The following TMBIM1 variants were observed in gnomAD, a reference collection of about 807,000 sequenced individuals.
TMBIM1 encodes transmembrane BAX inhibitor motif containing 1, also known as protein lifeguard 3.
TMBIM1 carries 34 observed loss-of-function variants against 45.1 expected under a neutral mutation model. The ratio of observed to expected loss-of-function variants is 0.75; its 90% CI spans 0.57 to 1.00. TMBIM1 has a LOEUF of 1.00. TMBIM1 is among the 50% of genes least tolerant of loss of function. The pLI, the probability that TMBIM1 is intolerant of heterozygous loss-of-function variation, is 0.00. For synonymous variants in TMBIM1, 157 were observed against 153.5 expected (o/e 1.02, Z -0.17); for missense variants, 374 against 402.4 (o/e 0.93, Z 0.60).
chr2:218,287,733 C>T (rs760386778), intron 1 of TMBIM1, among the ~76,000 whole-genome samples: 7 of 151,920 alleles, frequency 4.6e-5, no homozygotes, highest in Non-Finnish European at 1.0e-4. Context: ...AGCCAGCCCT[C>T]GACTTCTGGC....
intron 1 of TMBIM1, chr2:218,286,316 C>G (rs1311042272): frequency 6.6e-6 from 1 of 152,068 alleles, no homozygotes; most frequent in South Asian, 2.1e-4. Context: ...GGATTACAGG[C>G]ATGAGCCACT....
Position 218,276,010 on chromosome 2 carries a change from TG to T in TMBIM1, c.789+15del. The stretch of plus-strand genomic sequence containing the variant: ...ATCCCCTCAGCTCCCCTTCCTAGAG[TG>T]GGGCTGGGACTTACCAGGGTGAAAC... On this transcript the variant is annotated intron_variant, in intron 11 of 11. Coordinates refer to ENST00000258412, the MANE Select transcript of TMBIM1 (RefSeq NM_022152.6). The T allele has an allele frequency of 6.2e-7, 1 of 1,607,958 alleles. No individual in the cohort carries two copies. Among genetic ancestry groups the T allele is most frequent in the Non-Finnish European group, 8.5e-7 (1 of 1,177,468 alleles).
At chr2:218,279,478 G>A (rs1173826690) in intron 3 of TMBIM1, 125 bp from the exon 4 acceptor site, 19 of 775,104 alleles carry the variant, frequency 2.5e-5, no homozygotes, top group South Asian at 8.6e-5. Context: ...GCCCAGAGGC[G>A]ACCCCAGTGA....
intron 6 of TMBIM1, chr2:218,278,241 TACTC>T: frequency 3.3e-6 from 2 of 604,204 alleles, no homozygotes; most frequent in South Asian, 4.1e-5. Flanking sequence ...GGGAGAAAGT[TACTC>T]AGCCTCTTTG....
chr2:218,286,048 G>A (rs1692480602), intron 1 of TMBIM1: 2 of 154,830 alleles, frequency 1.3e-5, no homozygotes, highest in Non-Finnish European at 2.9e-5. Flanking sequence ...AGGGGAGAGA[G>A]ATCACGAGAC....
In TMBIM1 at chr2:218,275,596, A is replaced by G; in HGVS notation, c.815T>C (p.Val272Ala). Residue 272 changes from valine (V) to alanine (A), a missense_variant, in exon 12 of 12, where the codon GTC becomes GCC. Val to Ala is a moderately conservative substitution (Grantham distance 64, BLOSUM62 0). Coordinates refer to ENST00000258412, the MANE Select transcript of TMBIM1 (RefSeq NM_022152.6). ...TLFLAYDTQL[V>A]LGNRKHTISP... The stretch of plus-strand genomic sequence containing the variant: ...GATGGTGTGCTTCCGGTTCCCCAGG[A>G]CCAGCTGTGTGTCGTAAGCCAGGAA... The G allele has an allele frequency of 6.2e-7, 1 of 1,613,456 alleles. No individual in the cohort carries two copies. Among genetic ancestry groups the G allele is most frequent in the Non-Finnish European group, 8.5e-7 (1 of 1,179,830 alleles).
At chr2:218,278,779 G>T (rs537594290) in intron 5 of TMBIM1, among the ~76,000 whole-genome samples, 112 of 152,374 alleles carry the variant, frequency 7.4e-4, no homozygotes, top group African/African-American at 2.3e-3. Context: ...GGAGGCTGCA[G>T]CTGACGGGCT....
chr2:218,281,581 G>A (rs1427611367), intron 2 of TMBIM1, among the ~76,000 whole-genome samples: 2 of 152,196 alleles, frequency 1.3e-5, no homozygotes, highest in Non-Finnish European at 2.9e-5. Flanking sequence ...TAAGGAAGTC[G>A]ACAGGTCTGG....
At position 218,277,356 on chromosome 2, in the gene TMBIM1, A is replaced by G. The variant is rs1691327430; in HGVS notation, c.639+10T>C. On this transcript the variant is annotated intron_variant, in intron 9 of 11. Coordinates refer to ENST00000258412, the MANE Select transcript of TMBIM1 (RefSeq NM_022152.6). ...TCGGGGGGCCAGGGAAGGGCCCTCCATGCCCTCACCTTGGTCTGAAAGCAG... is the reference window on the plus strand; with the variant it reads ...TCGGGGGGCCAGGGAAGGGCCCTCCGTGCCCTCACCTTGGTCTGAAAGCAG... 1 of 1,612,456 alleles carries G rather than the reference A, an allele frequency of 6.2e-7. No individual in the cohort carries two copies. The highest frequency in any genetic ancestry group is 1.3e-5 in the African/African-American group (1 of 75,032).
In TMBIM1 at chr2:218,275,428, G is replaced by T; in HGVS notation, c.*47C>A. The T allele has an allele frequency of 6.3e-7, 1 of 1,586,950 alleles. No homozygotes were observed. The highest frequency in any genetic ancestry group is 8.6e-7 in the Non-Finnish European group (1 of 1,166,820). On this transcript the variant is annotated 3_prime_UTR_variant, in exon 12 of 12. Coordinates refer to ENST00000258412, the MANE Select transcript of TMBIM1 (RefSeq NM_022152.6). ...CACAGTCATAGGGCCCAGCCCTCTA[G>T]CTTGGAAGGGAGAGCCCAGGATCGG...
intron 10 of TMBIM1, among the ~76,000 whole-genome samples, 174 bp from the exon 11 acceptor site, chr2:218,276,253 C>G (rs191778483): frequency 9.9e-5 from 15 of 152,268 alleles, no homozygotes; most frequent in Non-Finnish European, 1.9e-4. Context: ...GGTGATATAT[C>G]CAGCAGAGAA....
chr2:218,283,162 G>A (rs1053426064), intron 1 of TMBIM1, among the ~76,000 whole-genome samples: 1 of 152,114 alleles, frequency 6.6e-6, no homozygotes, highest in South Asian at 2.1e-4. Flanking sequence ...CCCATAGCCA[G>A]GGGAGGGCCA....
intron 11 of TMBIM1, 86 bp from the exon 12 acceptor site, chr2:218,275,707 T>C: frequency 6.7e-6 from 10 of 1,503,594 alleles, no homozygotes; most frequent in Non-Finnish European, 9.0e-6. Context: ...CTTGGGGGCC[T>C]ATGCGCCACA....
chr2:218,280,212 A>G (rs1691748255), intron 2 of TMBIM1, 86 bp from the exon 3 acceptor site: 2 of 967,154 alleles, frequency 2.1e-6, no homozygotes, highest in Non-Finnish European at 1.7e-6. Context: ...TCAAAGTCTC[A>G]GGGATCTCCA....
chr2:218,282,934 C>A (rs959864091), intron 1 of TMBIM1, among the ~76,000 whole-genome samples: 3 of 152,200 alleles, frequency 2.0e-5, no homozygotes, highest in African/African-American at 7.2e-5. Flanking sequence ...CAGCCTGCGA[C>A]CACAGCTGCT....
At chr2:218,278,238 A>C in intron 6 of TMBIM1, 2 of 604,214 alleles carry the variant, frequency 3.3e-6, no homozygotes, top group East Asian at 2.8e-5. Context: ...ATGGGGAGAA[A>C]GTTACTCAGC....
At chr2:218,282,269 G>T in intron 1 of TMBIM1, 88 bp from the exon 2 acceptor site, 2 of 765,942 alleles carry the variant, frequency 2.6e-6, no homozygotes, top group Non-Finnish European at 3.9e-6. Flanking sequence ...TGTCCAGGCT[G>T]CCTCCGTGGA....
rs906992379 is a variant in TMBIM1 at position 218,275,217 on chromosome 2, G to A, written c.*258C>T. ...AAGAATGTGGTGTCATACAGTAGGT[G>A]GCGGGGAGAAGACACATCTTCAGCC... On this transcript the variant is annotated 3_prime_UTR_variant, in exon 12 of 12. Coordinates refer to ENST00000258412, the MANE Select transcript of TMBIM1 (RefSeq NM_022152.6). 7 of 372,950 alleles carry A rather than the reference G, an allele frequency of 1.9e-5. No homozygotes were observed. The highest frequency in any genetic ancestry group is 3.3e-5 in the Non-Finnish European group (7 of 209,074). The allele number at this position is 372,950 out of a possible 1,614,324, so 23.1% of individuals were successfully genotyped here.
At chr2:218,283,633 AAG>A (rs1692242728) in intron 1 of TMBIM1, among the ~76,000 whole-genome samples, 1 of 152,220 alleles carries the variant, frequency 6.6e-6, no homozygotes, top group Non-Finnish European at 1.5e-5. Flanking sequence ...TGCTGGAAGC[AAG>A]AGAGACCAGC....
Sources: allele counts gnomAD v4.1 joint callset (sites outside exome capture counted in the v4.1 genomes callset), GRCh38; gene constraint gnomAD v4.1.1; transcripts MANE v1.5; gene names NCBI Gene and HGNC (gene_info 2026-07-23, HGNC 2026-07-21).